PLCZ1: variants seen among roughly 807,000 people sequenced by gnomAD.
PLCZ1 encodes the protein phospholipase C zeta 1.
Under a neutral mutation model 76.8 loss-of-function variants are expected in PLCZ1, and 64 were observed. That is an observed-to-expected ratio of 0.83 (90% CI 0.68 to 1.03). The LOEUF is 1.03. Ranked by LOEUF, PLCZ1 falls within the 50% of genes least tolerant of loss-of-function variation. The pLI is 0.00. For synonymous variants in PLCZ1, 248 were observed against 230.8 expected (o/e 1.07, Z -0.68); for missense variants, 751 against 713.7 (o/e 1.05, Z -0.60).
chr12:18,737,593 T>A lies in PLCZ1; in HGVS notation c.-138-84A>T, dbSNP rs146788771. ...CTCACACTTAACCATAGAAACAGTA[T>A]GCAAGATGTGGTACCTGCACTACCC... On this transcript the variant is annotated intron_variant, in intron 1 of 14. Coordinates refer to ENST00000266505, the MANE Select transcript of PLCZ1 (RefSeq NM_033123.4). The A allele has an allele frequency of 7.4e-6, 5 of 672,138 alleles. No homozygotes were observed. The East Asian group carries it at 1.1e-4, about 15-fold the overall frequency. 41.6% of individuals were successfully genotyped at this position (672,138 alleles called of 1,614,324 possible). A position where few individuals can be genotyped will look rare whatever the true frequency, so the allele number is the denominator to read the frequency against.
At chr12:18,712,696 C>CTA in intron 6 of PLCZ1, 146 bp downstream of exon 6, 2 of 974,140 alleles carry the variant, frequency 2.1e-6, no homozygotes, top group Non-Finnish European at 3.1e-6. Context: ...CTATATACAA[C>CTA]ATGGATTTCA....
Position 18,694,960 on chromosome 12 carries a change from A to G in PLCZ1, c.1411T>C (p.Phe471Leu). Reference sequence around the variant, plus strand: ...CCCTCTTTTATGTTACTTGGGTTAAAGTATGATTTACTCTCTCTTAAGAAA... The same window carrying G: ...CCCTCTTTTATGTTACTTGGGTTAAGGTATGATTTACTCTCTCTTAAGAAA... ...PHFLRESKSY[F>L]NPSNIKEGMP... Residue 471 changes from phenylalanine (F) to leucine (L), a missense_variant, in exon 12 of 15, where the codon TTT becomes CTT. Coordinates refer to ENST00000266505, the MANE Select transcript of PLCZ1 (RefSeq NM_033123.4). 6.2e-7 allele frequency: 1 copy of G among 1,605,638 alleles called. No individual in the cohort carries two copies. The highest frequency in any genetic ancestry group is 8.5e-7 in the Non-Finnish European group (1 of 1,172,978).
intron 10 of PLCZ1, among the ~76,000 whole-genome samples, chr12:18,696,649 T>G (rs561786464): frequency 6.6e-6 from 1 of 152,000 alleles, no homozygotes; most frequent in Non-Finnish European, 1.5e-5. Flanking sequence ...TTTCCCTTAT[T>G]ATTTTTCCAC....
the PLCZ1 span, among the ~76,000 whole-genome samples, chr12:18,665,992 T>C: frequency 6.6e-6 from 1 of 151,446 alleles, no homozygotes; most frequent in East Asian, 1.9e-4. Flanking sequence ...TGGAGCTATA[T>C]GTGACCAAAG....
intron 7 of PLCZ1, among the ~76,000 whole-genome samples, chr12:18,701,980 A>C (rs1369197644): frequency 6.6e-6 from 1 of 152,182 alleles, no homozygotes; most frequent in Non-Finnish European, 1.5e-5. Flanking sequence ...ATTCACCAAA[A>C]AATAAGCCTG....
rs10523511 is a variant in PLCZ1 at position 18,696,348 on chromosome 12, A to ATATATATATATATATATATC, written c.1175-83_1175-82insGATATATATATATATATATA. 3.0e-4 allele frequency: 65 copies of ATATATATATATATATATATC among 214,280 alleles called. 1 individual carries two copies. In the East Asian group the frequency reaches 4.0e-3, roughly 13 times the overall value. The allele number at this position is 214,280 out of a possible 1,614,324, so 13.3% of individuals were successfully genotyped here. A position where few individuals can be genotyped will look rare whatever the true frequency, so the allele number is the denominator to read the frequency against. On this transcript the variant is annotated intron_variant, in intron 10 of 14. Coordinates refer to ENST00000266505, the MANE Select transcript of PLCZ1 (RefSeq NM_033123.4). ...TATATATATATATATATATATATATATATCATATAATTCTATAATAGTTTC... is the reference window on the plus strand; with the variant it reads ...TATATATATATATATATATATATATATATATATATATATATATATCTATCATATAATTCTATAATAGTTTC...
rs992358489 is a variant in PLCZ1, at chr12:18,683,549, C to T, written c.1742-225G>A. ...ACTGAATACACAGCTCATACTTCTC[C>T]TTCCGCAAAGCGCTGCATGATCCAA... On this transcript the variant is annotated intron_variant, in intron 14 of 14. Coordinates refer to ENST00000266505, the MANE Select transcript of PLCZ1 (RefSeq NM_033123.4). 30 of 1,498,986 alleles carry T rather than the reference C, an allele frequency of 2.0e-5. No homozygotes were observed. The Admixed American group carries it at 6.0e-4, about 30-fold the overall frequency. The allele number at this position is 1,498,986 out of a possible 1,614,324, so 92.9% of individuals were successfully genotyped here.
chr12:18,684,401 G>A (rs1461561412), intron 13 of PLCZ1, 122 bp from the exon 14 acceptor site: 6 of 896,902 alleles, frequency 6.7e-6, no homozygotes, highest in Non-Finnish European at 1.0e-5. Flanking sequence ...TGTGTTTAGA[G>A]CACATAGGTT....
rs775746099 is a variant in PLCZ1, at chr12:18,684,188, TA to T, written c.1682del (p.Leu561Ter). 6.8e-6 allele frequency: 11 copies of T among 1,612,338 alleles called. No individual in the cohort carries two copies. The South Asian group carries it at 1.2e-4, about 18-fold the overall frequency. On this transcript the variant is annotated frameshift_variant, in exon 14 of 15. Transcript: ENST00000266505. LOFTEE classifies it high-confidence loss of function. Reference sequence around the variant, plus strand: ...GCCCAAGAAATTCATTTCCTGCTATTAAACCTTGACCTTCAACAACAAAACG... The same window carrying T: ...GCCCAAGAAATTCATTTCCTGCTATTAACCTTGACCTTCAACAACAAAACG... ...LIRFVVEGQGLIAGNEFLGQY... is the reference protein window; with the variant it reads ...LIRFVVEGQGXIAGNEFLGQY...
At chr12:18,703,679 A>T (rs1956229970) in intron 7 of PLCZ1, among the ~76,000 whole-genome samples, 1 of 152,226 alleles carries the variant, frequency 6.6e-6, no homozygotes, top group Non-Finnish European at 1.5e-5. Flanking sequence ...TGTGTGGAAA[A>T]TACTGTAATT....
the PLCZ1 span, among the ~76,000 whole-genome samples, chr12:18,649,133 C>T: frequency 2.6e-5 from 4 of 152,094 alleles, no homozygotes; most frequent in East Asian, 3.9e-4. Context: ...TTCTGCTAGA[C>T]GATTATACAC....
intron 13 of PLCZ1, among the ~76,000 whole-genome samples, chr12:18,687,617 C>T (rs1591993346): frequency 6.6e-6 from 1 of 152,026 alleles, no homozygotes; most frequent in East Asian, 1.9e-4. Flanking sequence ...CTGAATTATC[C>T]AAAAATTCTA....
chr12:18,683,894 G>A (rs556491132), intron 14 of PLCZ1, among the ~76,000 whole-genome samples: 1 of 151,858 alleles, frequency 6.6e-6, no homozygotes, highest in Admixed American at 6.6e-5. Flanking sequence ...GTAAAGAAAT[G>A]CTTATACATG....
intron 7 of PLCZ1, among the ~76,000 whole-genome samples, 196 bp downstream of exon 7, chr12:18,704,970 T>G (rs570910596): frequency 2.0e-5 from 3 of 152,112 alleles, no homozygotes; most frequent in African/African-American, 7.2e-5. Flanking sequence ...TATATATATA[T>G]AAATTTTAAT....
intron 13 of PLCZ1, chr12:18,685,580 C>T (rs1952984120): frequency 2.0e-6 from 1 of 501,042 alleles, no homozygotes; most frequent in Non-Finnish European, 4.0e-6. Context: ...TACCACATAG[C>T]AATCTAGGGT....
chr12:18,713,109 C>G, intron 5 of PLCZ1, 123 bp from the exon 6 acceptor site: 1 of 1,295,038 alleles, frequency 7.7e-7, no homozygotes, highest in South Asian at 1.3e-5. Context: ...CCATAAAACT[C>G]TATAAAAACT....
At chr12:18,681,232 A>G (rs183754885), downstream of PLCZ1, among the ~76,000 whole-genome samples, 1 of 152,174 alleles carries the variant, frequency 6.6e-6, no homozygotes, top group East Asian at 1.9e-4. Context: ...TGTCATTATC[A>G]GTTGTAAAGA....
the PLCZ1 span, among the ~76,000 whole-genome samples, chr12:18,650,347 A>G: frequency 4.7e-3 from 539 of 114,308 alleles, 2 homozygotes; most frequent in East Asian, 9.9e-3. Flanking sequence ...ATATATATAT[A>G]TGTGTGTGTG....
chr12:18,707,959 A>C (rs536318194), intron 6 of PLCZ1, among the ~76,000 whole-genome samples: 1 of 152,338 alleles, frequency 6.6e-6, no homozygotes, highest in African/African-American at 2.4e-5. Flanking sequence ...ACAGTGAATC[A>C]AATTAACATA....
Sources: gnomAD v4.1 joint callset for allele counts (sites outside exome capture counted in the v4.1 genomes callset) on GRCh38, gnomAD v4.1.1 for gene constraint, MANE v1.5 for transcripts, NCBI Gene and HGNC (gene_info 2026-07-23, HGNC 2026-07-21) for gene names.